MALRD1: variants seen among roughly 807,000 people sequenced by gnomAD.
MALRD1 encodes MAM and LDL receptor class A domain containing 1, also known as MAM and LDL-receptor class A domain-containing protein 1.
In MALRD1, 247 loss-of-function variants were observed where a neutral mutation model predicts 242.1. The observed-to-expected ratio is 1.02, with a 90% CI of 0.92 to 1.13. MALRD1 has a LOEUF of 1.13. MALRD1 is among the 50% of genes most tolerant of loss of function. The probability of loss-of-function intolerance (pLI) is 0.00; values close to 1 mark genes in which losing one functional copy is unlikely to be tolerated. For synonymous variants in MALRD1, 995 were observed against 866.6 expected (o/e 1.15, Z -2.60); for missense variants, 2,989 against 2,533.1 (o/e 1.18, Z -3.86).
chr10:19,503,464 T>C (rs1838064913), intron 31 of MALRD1, among the ~76,000 whole-genome samples: 1 of 152,196 alleles, frequency 6.6e-6, no homozygotes, highest in Non-Finnish European at 1.5e-5. Context: ...TTTGGAGACA[T>C]TGACGAAGTT....
chr10:19,688,009 G>T (rs1842662638), intron 36 of MALRD1, among the ~76,000 whole-genome samples: 1 of 151,850 alleles, frequency 6.6e-6, no homozygotes, highest in Non-Finnish European at 1.5e-5. Context: ...TCACTGTGTT[G>T]CCCAGGCTGG....
rs895565807 is a variant in MALRD1 at position 19,583,666 on chromosome 10, G to T, written c.5681-11528G>T. ...GATTTTTGCATCAATGTTCATCAAG[G>T]GTATTGGTCTAAAATTCTCTTTTTT... On this transcript the variant is annotated intron_variant, in intron 33 of 39. Transcript: ENST00000454679. Among the ~76,000 whole-genome samples the T allele has an allele frequency of 4.6e-5, 7 of 152,248 alleles. No individual in the cohort carries two copies. The East Asian group carries it at 1.4e-3, about 29-fold the overall frequency.
chr10:19,237,615 T>C (rs370528062), intron 18 of MALRD1, among the ~76,000 whole-genome samples: 4 of 18,964 alleles, frequency 2.1e-4, no homozygotes, highest in African/African-American at 1.2e-3. Flanking sequence ...ATTATAATTA[T>C]ATAATTATAT....
intron 28 of MALRD1, among the ~76,000 whole-genome samples, chr10:19,440,318 G>T (rs1444240677): frequency 6.6e-6 from 1 of 151,238 alleles, no homozygotes; most frequent in Non-Finnish European, 1.5e-5. Flanking sequence ...TTCTTATGAG[G>T]GTTTTTATCT....
At chr10:19,523,059 C>T (rs1240746474) in intron 31 of MALRD1, among the ~76,000 whole-genome samples, 2 of 152,124 alleles carry the variant, frequency 1.3e-5, no homozygotes, top group African/African-American at 2.4e-5. Context: ...CAACTATGTT[C>T]TAAGTACTTT....
chr10:19,568,231 A>T (rs993573918), intron 33 of MALRD1, among the ~76,000 whole-genome samples: 7 of 152,172 alleles, frequency 4.6e-5, no homozygotes, highest in Admixed American at 1.3e-4. Flanking sequence ...ACTGTTTAAG[A>T]TGTTCCCCCC....
chr10:19,383,235 G>A (rs1373538112), intron 26 of MALRD1, among the ~76,000 whole-genome samples: 2 of 152,146 alleles, frequency 1.3e-5, no homozygotes, highest in South Asian at 2.1e-4. Flanking sequence ...CCTGGTGTCT[G>A]TTGTTCCTTT....
At chr10:19,147,752 C>T (rs923716306) in intron 11 of MALRD1, among the ~76,000 whole-genome samples, 4 of 152,110 alleles carry the variant, frequency 2.6e-5, no homozygotes, top group East Asian at 1.9e-4. Flanking sequence ...CAGATGGATT[C>T]GAGATGCCTT....
intron 18 of MALRD1, among the ~76,000 whole-genome samples, chr10:19,211,524 C>T (rs2583653): frequency 6.6e-6 from 1 of 151,282 alleles, no homozygotes. Context: ...AAAACCTCAT[C>T]TCTACTAAAA....
At chr10:19,197,680 A>G (rs981504240) in intron 14 of MALRD1, among the ~76,000 whole-genome samples, 5 of 152,102 alleles carry the variant, frequency 3.3e-5, no homozygotes, top group African/African-American at 1.2e-4. Context: ...CTTTTCTATA[A>G]AGTCTTCCTT....
At chr10:19,497,231 G>C (rs1837760751) in intron 30 of MALRD1, among the ~76,000 whole-genome samples, 1 of 151,808 alleles carries the variant, frequency 6.6e-6, no homozygotes, top group Non-Finnish European at 1.5e-5. Flanking sequence ...AATTTTTACA[G>C]ATGTGTTGGC....
chr10:19,411,754 A>G (rs1254005383), intron 28 of MALRD1, among the ~76,000 whole-genome samples: 5 of 152,180 alleles, frequency 3.3e-5, no homozygotes, highest in African/African-American at 9.6e-5. Context: ...ACCAAGGGAC[A>G]CTAGTATTTT....
At chr10:19,257,353 A>G (rs570609120) in intron 18 of MALRD1, among the ~76,000 whole-genome samples, 2 of 152,296 alleles carry the variant, frequency 1.3e-5, no homozygotes, top group South Asian at 2.1e-4. Context: ...TTAAAGGACC[A>G]GAAGGGAACA....
At chr10:19,495,621 C>T (rs1365493987) in intron 30 of MALRD1, among the ~76,000 whole-genome samples, 1 of 152,120 alleles carries the variant, frequency 6.6e-6, no homozygotes, top group Non-Finnish European at 1.5e-5. Flanking sequence ...ACTACAAAAA[C>T]ACACCTAAGT....
intron 29 of MALRD1, among the ~76,000 whole-genome samples, chr10:19,479,146 G>A (rs183390864): frequency 6.6e-6 from 1 of 152,292 alleles, no homozygotes; most frequent in Admixed American, 6.5e-5. Context: ...TGAGTATATA[G>A]TGATGATTAT....
chr10:19,113,818 C>CACACACACACACACACAG (rs1564400084), intron 5 of MALRD1, among the ~76,000 whole-genome samples: 2 of 147,392 alleles, frequency 1.4e-5, no homozygotes, highest in African/African-American at 2.5e-5. Context: ...CACACACACA[C>CACACACACACACACACAG]ACACACACAC....
rs556914312 is a variant in MALRD1 at position 19,051,532 on chromosome 10, A to T, written c.199+2395A>T. The T allele has an allele frequency of 2.2e-4, 42 of 190,384 alleles. No individual in the cohort carries two copies. The South Asian group carries it at 4.7e-3, about 21-fold the overall frequency. The allele number at this position is 190,384 out of a possible 1,614,324, so 11.8% of individuals were successfully genotyped here. On this transcript the variant is annotated intron_variant, in intron 1 of 39. Coordinates refer to ENST00000454679, the MANE Select transcript of MALRD1 (RefSeq NM_001142308.3). The stretch of plus-strand genomic sequence containing the variant: ...TGGAAAAACTTGAAGGCCAGAAAGG[A>T]GTAGATGGCACGGTTAGCTAGGATC...
intron 32 of MALRD1, among the ~76,000 whole-genome samples, chr10:19,545,529 C>G (rs781670979): frequency 6.6e-6 from 1 of 150,838 alleles, no homozygotes; most frequent in Admixed American, 6.6e-5. Flanking sequence ...TATCCAGTAC[C>G]TGCCTACCTT....
chr10:19,406,187 A>G (rs1029974329), intron 28 of MALRD1, among the ~76,000 whole-genome samples: 1 of 152,352 alleles, frequency 6.6e-6, no homozygotes, highest in East Asian at 1.9e-4. Context: ...TAAAGCATTT[A>G]ACACACTTTA....
Sources: gnomAD v4.1 joint callset for allele counts (sites outside exome capture counted in the v4.1 genomes callset) on GRCh38, gnomAD v4.1.1 for gene constraint, MANE v1.5 for transcripts, NCBI Gene and HGNC (gene_info 2026-07-23, HGNC 2026-07-21) for gene names.